Variants in ZDHHC7 observed in about 807,000 individuals in gnomAD.
ZDHHC7 encodes palmitoyltransferase ZDHHC7.
A neutral mutation model predicts 34.1 loss-of-function variants in ZDHHC7; 12 were observed. The observed-to-expected ratio is 0.35, with a 90% CI of 0.23 to 0.57. The LOEUF (loss-of-function observed/expected upper bound fraction) is 0.57. ZDHHC7 is among the 20% of genes least tolerant of loss of function. ZDHHC7 has a pLI of 0.84. For missense variants in ZDHHC7, 388 were observed against 402.7 expected (o/e 0.96, Z 0.31); for synonymous variants, 185 against 155.4 (o/e 1.19, Z -1.42).
At chr16:85,016,198 A>T (rs900572717), upstream of ZDHHC7, among the ~76,000 whole-genome samples, 4 of 151,940 alleles carry the variant, frequency 2.6e-5, no homozygotes, top group East Asian at 7.7e-4. Context: ...TTATTATTTA[A>T]ATTTATACAG....
chr16:84,986,075 A>G (rs1313930179), intron 3 of ZDHHC7, among the ~76,000 whole-genome samples: 1 of 152,194 alleles, frequency 6.6e-6, no homozygotes, highest in Non-Finnish European at 1.5e-5. Context: ...GTTTTTACAA[A>G]GAGCCCTTTT....
chr16:84,983,617 C>T (rs2072399119), intron 3 of ZDHHC7, among the ~76,000 whole-genome samples: 1 of 152,168 alleles, frequency 6.6e-6, no homozygotes, highest in South Asian at 2.1e-4. Flanking sequence ...CTGTTTTGGT[C>T]AAGATCAAAG....
chr16:85,018,012 G>A, the ZDHHC7 span, among the ~76,000 whole-genome samples: 3,609 of 152,140 alleles, frequency 0.024, 141 homozygotes, highest in African/African-American at 0.082. Context: ...GTCGAGACAC[G>A]GGTGGGTGTG....
rs2072371861 is a variant in ZDHHC7 at position 84,981,775 on chromosome 16, T to C, written c.440+95A>G. The C allele has an allele frequency of 5.0e-6, 8 of 1,596,652 alleles. No individual in the cohort carries two copies. The South Asian group carries it at 7.8e-5, about 16-fold the overall frequency. The stretch of plus-strand genomic sequence containing the variant: ...ACGTTGCCCAGATGCTCGGGGGCCA[T>C]GTACCTACGGTGGTGGGCGCACTCT... On this transcript the variant is annotated intron_variant, in intron 4 of 7. Coordinates refer to ENST00000313732, the MANE Select transcript of ZDHHC7 (RefSeq NM_017740.3).
intron 3 of ZDHHC7, among the ~76,000 whole-genome samples, chr16:84,989,925 C>T (rs559672814): frequency 2.0e-5 from 3 of 152,242 alleles, no homozygotes; most frequent in South Asian, 2.1e-4. Context: ...GCGTCTCCTC[C>T]GAGCTCTGTG....
At chr16:84,988,369 C>T (rs2072464825) in intron 3 of ZDHHC7, among the ~76,000 whole-genome samples, 2 of 152,156 alleles carry the variant, frequency 1.3e-5, no homozygotes, top group Non-Finnish European at 1.5e-5. Flanking sequence ...CTAAACACCA[C>T]GGGACTACAC....
At chr16:84,992,537 C>T (rs1377784909) in intron 2 of ZDHHC7, among the ~76,000 whole-genome samples, 1 of 152,160 alleles carries the variant, frequency 6.6e-6, no homozygotes, top group Non-Finnish European at 1.5e-5. Flanking sequence ...TGATTGTACG[C>T]CCTTCTCTTA....
In ZDHHC7 at chr16:84,974,473, A is replaced by AATTG. The variant is rs200545031; in HGVS notation, c.*1866_*1869dup. On this transcript the variant is annotated 3_prime_UTR_variant, in exon 8 of 8. Transcript: ENST00000313732. ...CTTTGGAAGCCATTTGAGAACTGTT[A>AATTG]ATTGATTACTTTATTTCATATAAAA... The AATTG allele has an allele frequency of 6.6e-6, 1 of 152,298 alleles. No homozygotes were observed. Among genetic ancestry groups the AATTG allele is most frequent in the Admixed American group, 6.5e-5 (1 of 15,276 alleles). The allele number at this position is 152,298 out of a possible 1,614,324, so 9.4% of individuals were successfully genotyped here.
chr16:85,023,168 C>CTTTTTTTTTT, the ZDHHC7 span, among the ~76,000 whole-genome samples: 3 of 138,898 alleles, frequency 2.2e-5, no homozygotes, highest in African/African-American at 5.3e-5. Context: ...TCTTTCTTTT[C>CTTTTTTTTTT]TTTTTTTTTT....
chr16:84,998,543 C>T (rs1044238050), intron 1 of ZDHHC7, among the ~76,000 whole-genome samples: 5 of 152,084 alleles, frequency 3.3e-5, no homozygotes, highest in African/African-American at 1.2e-4. Flanking sequence ...GGGTGCCTCC[C>T]GATAACCCGA....
the ZDHHC7 span, among the ~76,000 whole-genome samples, chr16:85,024,300 C>T: frequency 1.4e-4 from 20 of 145,490 alleles, no homozygotes; most frequent in Admixed American, 6.5e-4. Context: ...GGCACGATCT[C>T]GGCTCACTGC....
chr16:85,023,579 T>C, the ZDHHC7 span, among the ~76,000 whole-genome samples: 3 of 152,200 alleles, frequency 2.0e-5, no homozygotes, highest in African/African-American at 4.8e-5. Context: ...ACCTGCTATT[T>C]TGTATAGTTG....
At chr16:84,985,936 C>T (rs2072430345) in intron 3 of ZDHHC7, among the ~76,000 whole-genome samples, 2 of 108,930 alleles carry the variant, frequency 1.8e-5, no homozygotes, top group Admixed American at 2.9e-4. Context: ...GCCTGGGCAA[C>T]AGAGTGAGAC....
intron 2 of ZDHHC7, among the ~76,000 whole-genome samples, chr16:84,994,076 C>T (rs1359344505): frequency 6.6e-6 from 1 of 152,208 alleles, no homozygotes; most frequent in African/African-American, 2.4e-5. Flanking sequence ...GCACGCTCAC[C>T]AGCTCTCCCT....
chr16:84,993,443 G>A (rs1346635820), intron 2 of ZDHHC7, among the ~76,000 whole-genome samples: 10 of 151,916 alleles, frequency 6.6e-5, no homozygotes, highest in East Asian at 1.9e-4. Flanking sequence ...ACTGGCCTGC[G>A]CAACATGGGA....
chr16:85,016,760 C>G, the ZDHHC7 span, among the ~76,000 whole-genome samples: 1 of 151,286 alleles, frequency 6.6e-6, no homozygotes, highest in Non-Finnish European at 1.5e-5. Flanking sequence ...ACACCTGTCT[C>G]GTTAAAATAC....
At chr16:85,017,614 AACG>A in the ZDHHC7 span, among the ~76,000 whole-genome samples, 1 of 152,198 alleles carries the variant, frequency 6.6e-6, no homozygotes, top group Non-Finnish European at 1.5e-5. Flanking sequence ...ACTGTGCCAC[AACG>A]ACAATACACA....
chr16:84,993,920 C>T (rs955700263), intron 2 of ZDHHC7, among the ~76,000 whole-genome samples: 1 of 152,188 alleles, frequency 6.6e-6, no homozygotes, highest in African/African-American at 2.4e-5. Flanking sequence ...TTCTGAGGAG[C>T]ACTTTGCGAA....
At chr16:85,012,671 G>A (rs994950675), upstream of ZDHHC7, among the ~76,000 whole-genome samples, 12 of 152,026 alleles carry the variant, frequency 7.9e-5, no homozygotes, top group East Asian at 1.9e-4. Context: ...GTAGGAGGCC[G>A]AGGCAGGCAG....
Sources: gnomAD v4.1 joint callset for allele counts (sites outside exome capture counted in the v4.1 genomes callset) on GRCh38, gnomAD v4.1.1 for gene constraint, MANE v1.5 for transcripts, NCBI Gene and HGNC (gene_info 2026-07-23, HGNC 2026-07-21) for gene names.